Variants in SYNPR observed in about 807,000 individuals in gnomAD.
SYNPR encodes the protein synaptoporin.
Under a neutral mutation model 32.9 loss-of-function variants are expected in SYNPR, and 23 were observed. The observed-to-expected ratio is 0.70, with a 90% CI of 0.50 to 0.99. The LOEUF (loss-of-function observed/expected upper bound fraction) is 0.99. Ranked by LOEUF, SYNPR falls within the 50% of genes least tolerant of loss-of-function variation. The pLI, the probability that SYNPR is intolerant of heterozygous loss-of-function variation, is 0.00. For synonymous variants in SYNPR, 146 were observed against 135.9 expected (o/e 1.07, Z -0.52); for missense variants, 318 against 349.3 (o/e 0.91, Z 0.71).
chr3:63,480,603 A>G (rs1341918914), intron 2 of SYNPR, among the ~76,000 whole-genome samples: 1 of 152,094 alleles, frequency 6.6e-6, no homozygotes, highest in East Asian at 1.9e-4. Context: ...TTTGTCTTTA[A>G]TTATTCTCCA....
At chr3:63,265,225 G>A (rs1187680777) in intron 2 of SYNPR, among the ~76,000 whole-genome samples, 1 of 142,688 alleles carries the variant, frequency 7.0e-6, no homozygotes, top group Non-Finnish European at 1.5e-5. Flanking sequence ...GTGGCAATTT[G>A]GTTTCTAATG....
At chr3:63,441,299 C>G (rs1265848858) in intron 2 of SYNPR, among the ~76,000 whole-genome samples, 1 of 152,164 alleles carries the variant, frequency 6.6e-6, no homozygotes, top group Non-Finnish European at 1.5e-5. Flanking sequence ...ATGTAGAAGA[C>G]AGAACTTTTT....
At chr3:63,217,441 C>T in the SYNPR span, among the ~76,000 whole-genome samples, 5 of 56,668 alleles carry the variant, frequency 8.8e-5, 2 homozygotes, top group African/African-American at 2.8e-4. Context: ...GTCTGAAAAG[C>T]GAAATATTTG....
At chr3:63,237,289 G>A (rs1483136619) in intron 1 of SYNPR, among the ~76,000 whole-genome samples, 2 of 151,106 alleles carry the variant, frequency 1.3e-5, no homozygotes, top group Non-Finnish European at 3.0e-5. Context: ...CTATTTCTGT[G>A]TCCTCAAGTT....
chr3:63,218,068 G>A, the SYNPR span, among the ~76,000 whole-genome samples: 1 of 152,150 alleles, frequency 6.6e-6, no homozygotes, highest in Non-Finnish European at 1.5e-5. Context: ...GGGAGGTGGA[G>A]GTTGCAGTGA....
chr3:63,379,836 C>T (rs1263686548), intron 2 of SYNPR, among the ~76,000 whole-genome samples: 1 of 151,972 alleles, frequency 6.6e-6, no homozygotes, highest in Non-Finnish European at 1.5e-5. Context: ...ATCCCTCCCT[C>T]CTCCCCCAAC....
At chr3:63,424,294 A>T (rs1489215481) in intron 2 of SYNPR, among the ~76,000 whole-genome samples, 1 of 152,120 alleles carries the variant, frequency 6.6e-6, no homozygotes, top group African/African-American at 2.4e-5. Context: ...AAAAATCATC[A>T]CCTATAGTTC....
chr3:63,557,692 G>A (rs1301949227), intron 4 of SYNPR, among the ~76,000 whole-genome samples: 2 of 152,012 alleles, frequency 1.3e-5, no homozygotes, highest in African/African-American at 2.4e-5. Flanking sequence ...TATGCGATGT[G>A]GGACATATAA....
At chr3:63,291,598 T>G (rs1374207557) in intron 2 of SYNPR, among the ~76,000 whole-genome samples, 1 of 117,994 alleles carries the variant, frequency 8.5e-6, no homozygotes, top group African/African-American at 3.3e-5. Context: ...GTCAGATTCA[T>G]GGATTCTATT....
At chr3:63,569,190 G>A (rs982164799) in intron 4 of SYNPR, among the ~76,000 whole-genome samples, 1 of 152,044 alleles carries the variant, frequency 6.6e-6, no homozygotes, top group African/African-American at 2.4e-5. Flanking sequence ...GTTGGACTTC[G>A]AATTTTACAT....
At chr3:63,543,769 G>A (rs1320537086) in intron 3 of SYNPR, among the ~76,000 whole-genome samples, 1 of 152,068 alleles carries the variant, frequency 6.6e-6, no homozygotes, top group East Asian at 1.9e-4. Flanking sequence ...TAAGCAGGAA[G>A]TAGCCCTCGT....
chr3:63,441,079 T>C (rs1700161398), intron 2 of SYNPR, among the ~76,000 whole-genome samples: 1 of 152,184 alleles, frequency 6.6e-6, no homozygotes, highest in Middle Eastern at 3.2e-3. Context: ...TGGCATACAA[T>C]TAGGCTCAAA....
rs1702151428 is a variant in SYNPR, at chr3:63,533,727, A to T, written c.210-22816A>T. On this transcript the variant is annotated intron_variant, in intron 3 of 5. Transcript: ENST00000478300. ...TCGTGCATTGTTATAGGCATGATTCAACTCAACCAGCCATGCTATTCAGGG... is the reference window on the plus strand; with the variant it reads ...TCGTGCATTGTTATAGGCATGATTCTACTCAACCAGCCATGCTATTCAGGG... 2.0e-5 allele frequency among the ~76,000 whole-genome samples: 3 copies of T among 152,188 alleles called. No individual in the cohort carries two copies. In the South Asian group the frequency reaches 6.2e-4, roughly 32 times the overall value.
chr3:63,339,751 G>A (rs1424188415), intron 2 of SYNPR, among the ~76,000 whole-genome samples: 3 of 151,516 alleles, frequency 2.0e-5, no homozygotes, highest in Admixed American at 1.3e-4. Flanking sequence ...TCCACTTCAC[G>A]GGCTCAGAGG....
At chr3:63,435,212 T>C (rs1451301) in intron 2 of SYNPR, among the ~76,000 whole-genome samples, 110,879 of 151,856 alleles carry the variant, frequency 0.73, 41,230 homozygotes, top group East Asian at 1. Context: ...TGTTCAAATA[T>C]TTACTATCCA....
chr3:63,390,193 T>C (rs2088112954), intron 2 of SYNPR, among the ~76,000 whole-genome samples: 1 of 152,152 alleles, frequency 6.6e-6, no homozygotes, highest in South Asian at 2.1e-4. Context: ...GATAAACAAA[T>C]GTGCCTGTTG....
intron 2 of SYNPR, among the ~76,000 whole-genome samples, chr3:63,420,137 A>G (rs2088589232): frequency 6.6e-6 from 1 of 152,196 alleles, no homozygotes; most frequent in African/African-American, 2.4e-5. Flanking sequence ...TAAAGATGCA[A>G]ATTTTCCCCC....
chr3:63,404,552 A>T lies in SYNPR; in HGVS notation c.85-76280A>T, dbSNP rs562162092. On this transcript the variant is annotated intron_variant, in intron 2 of 5. Transcript: ENST00000478300. Reference sequence around the variant, plus strand: ...TTCTGATTTTCCTTAGAACTGGGTCAGACTGCCATTTTTATAAACTATCAT... The same window carrying T: ...TTCTGATTTTCCTTAGAACTGGGTCTGACTGCCATTTTTATAAACTATCAT... Among the ~76,000 whole-genome samples, 870 of 152,302 alleles carry T rather than the reference A, an allele frequency of 5.7e-3. 5 individuals carry two copies. Among genetic ancestry groups the T allele is most frequent in the Middle Eastern group, 0.02 (6 of 294 alleles).
At chr3:63,255,442 C>T (rs1320236077) in intron 2 of SYNPR, among the ~76,000 whole-genome samples, 1 of 152,114 alleles carries the variant, frequency 6.6e-6, no homozygotes, top group African/African-American at 2.4e-5. Flanking sequence ...CAAGGTACTA[C>T]ACAAATACAA....
Sources: allele counts gnomAD v4.1 joint callset (sites outside exome capture counted in the v4.1 genomes callset), GRCh38; gene constraint gnomAD v4.1.1; transcripts MANE v1.5; gene names NCBI Gene and HGNC (gene_info 2026-07-23, HGNC 2026-07-21).